Variants in NSMCE2 observed in about 807,000 individuals in gnomAD.
NSMCE2 encodes the protein E3 SUMO-protein ligase NSE2.
A neutral mutation model predicts 23.8 loss-of-function variants in NSMCE2; 24 were observed. The ratio of observed to expected loss-of-function variants is 1.01; its 90% CI spans 0.73 to 1.42. The LOEUF is 1.42. Ranked by LOEUF, NSMCE2 falls within the 40% of genes most tolerant of loss-of-function variation. The probability of loss-of-function intolerance (pLI) is 0.00; values close to 1 mark genes in which losing one functional copy is unlikely to be tolerated. For synonymous variants in NSMCE2, 92 were observed against 94.1 expected, an observed-to-expected ratio of 0.98 and a Z score of 0.13; for missense variants, 284 against 296.5, an observed-to-expected ratio of 0.96 and a Z score of 0.31.
At position 125,357,432 on chromosome 8, in the gene NSMCE2, A is replaced by T. The variant is rs188667947; in HGVS notation, c.519+113A>T. ...ACTTAGGGAGTTAAGGAGGGAGTAA[A>T]GAAAAGTGCTGGGGGTTGAAGAGTA... On this transcript the variant is annotated intron_variant, in intron 6 of 7. Transcript: ENST00000287437. 5 of 776,062 alleles carry T rather than the reference A, an allele frequency of 6.4e-6. No homozygotes were observed. The Admixed American group carries it at 9.0e-5, about 14-fold the overall frequency. The allele number at this position is 776,062 out of a possible 1,614,324, so 48.1% of individuals were successfully genotyped here.
At chr8:125,169,230 G>A (rs919580593) in intron 4 of NSMCE2, among the ~76,000 whole-genome samples, 4 of 152,000 alleles carry the variant, frequency 2.6e-5, no homozygotes, top group Non-Finnish European at 4.4e-5. Context: ...ATTCCTACCC[G>A]TTCTTCGATT....
intron 5 of NSMCE2, among the ~76,000 whole-genome samples, chr8:125,349,595 A>G (rs905008179): frequency 6.6e-5 from 10 of 152,024 alleles, no homozygotes; most frequent in African/African-American, 2.4e-4. Flanking sequence ...AAAAAAAAAA[A>G]AAAAGAAAGA....
intron 5 of NSMCE2, among the ~76,000 whole-genome samples, chr8:125,320,185 AGAG>A (rs1459281395): frequency 3.0e-5 from 4 of 131,422 alleles, no homozygotes; most frequent in Non-Finnish European, 6.6e-5. Context: ...CAAAAAAAAA[AGAG>A]AGAGAGAGAG....
intron 7 of NSMCE2, among the ~76,000 whole-genome samples, chr8:125,359,944 C>CA (rs34058076): frequency 1.7e-4 from 26 of 150,442 alleles, no homozygotes; most frequent in African/African-American, 5.1e-4. Flanking sequence ...AGGCATGAGG[C>CA]AAAAAAAAGT....
At chr8:125,245,426 C>CA (rs1825917794) in intron 5 of NSMCE2, among the ~76,000 whole-genome samples, 1 of 152,020 alleles carries the variant, frequency 6.6e-6, no homozygotes, top group South Asian at 2.1e-4. Flanking sequence ...TAACACAAGT[C>CA]AAAGGCTACG....
chr8:125,224,747 G>A (rs1825021463), intron 5 of NSMCE2, among the ~76,000 whole-genome samples: 1 of 152,130 alleles, frequency 6.6e-6, no homozygotes. Flanking sequence ...AATAAGGTAG[G>A]TAGATAGTGT....
chr8:125,329,191 A>C (rs1282489639), intron 5 of NSMCE2, among the ~76,000 whole-genome samples: 1 of 152,214 alleles, frequency 6.6e-6, no homozygotes, highest in Non-Finnish European at 1.5e-5. Flanking sequence ...CTCAGTCCCC[A>C]GCAGCGGGCA....
At chr8:125,143,096 ACG>A (rs199552694) in intron 3 of NSMCE2, among the ~76,000 whole-genome samples, 1 of 144,276 alleles carries the variant, frequency 6.9e-6, no homozygotes, top group Non-Finnish European at 1.5e-5. Context: ...GTGTGGGTGC[ACG>A]CACACACACA....
At chr8:125,286,190 A>G (rs1253572934) in intron 5 of NSMCE2, among the ~76,000 whole-genome samples, 1 of 152,176 alleles carries the variant, frequency 6.6e-6, no homozygotes, top group Non-Finnish European at 1.5e-5. Context: ...TTTTACTTCA[A>G]TATGTATTTT....
At chr8:125,131,941 T>C (rs1819793676) in intron 3 of NSMCE2, among the ~76,000 whole-genome samples, 1 of 152,198 alleles carries the variant, frequency 6.6e-6, no homozygotes, top group Admixed American at 6.5e-5. Context: ...CTGGGCAGCC[T>C]GTCTCCAGAG....
At chr8:125,187,191 C>T (rs1169466367) in intron 5 of NSMCE2, among the ~76,000 whole-genome samples, 2 of 152,168 alleles carry the variant, frequency 1.3e-5, no homozygotes, top group East Asian at 3.9e-4. Context: ...GCCTACTCTC[C>T]CTTCAGATAC....
intron 5 of NSMCE2, among the ~76,000 whole-genome samples, chr8:125,221,060 A>G (rs1318201552): frequency 6.6e-6 from 1 of 152,158 alleles, no homozygotes; most frequent in African/African-American, 2.4e-5. Context: ...AGCATTCCCC[A>G]TATCATGGTC....
intron 3 of NSMCE2, among the ~76,000 whole-genome samples, chr8:125,150,896 C>CTT (rs1266084132): frequency 6.6e-6 from 1 of 152,138 alleles, no homozygotes; most frequent in Non-Finnish European, 1.5e-5. Context: ...CCTGGAACTC[C>CTT]TTAATACAAG....
chr8:125,274,506 A>G (rs1486775015), intron 5 of NSMCE2, among the ~76,000 whole-genome samples: 2 of 152,198 alleles, frequency 1.3e-5, no homozygotes, highest in Non-Finnish European at 2.9e-5. Context: ...TTTCAGTTAG[A>G]CAAGTTTTTT....
In NSMCE2 at chr8:125,264,904, T is replaced by G. The variant is rs1278847060; in HGVS notation, c.418+82648T>G. On this transcript the variant is annotated intron_variant, in intron 5 of 7. Coordinates refer to ENST00000287437, the MANE Select transcript of NSMCE2 (RefSeq NM_173685.4). Reference sequence around the variant, plus strand: ...TTAATCTTCACAACAACCCTGGGAATGTGGCTTTTGTTTTGTTTTTATTGT... The same window carrying G: ...TTAATCTTCACAACAACCCTGGGAAGGTGGCTTTTGTTTTGTTTTTATTGT... 2.0e-5 allele frequency among the ~76,000 whole-genome samples: 3 copies of G among 152,188 alleles called. No individual in the cohort carries two copies. The South Asian group carries it at 6.2e-4, about 32-fold the overall frequency.
rs769545037 is a variant in NSMCE2 at position 125,182,143 on chromosome 8, T to C, written c.305T>C (p.Leu102Ser). ...CCAGAAAAAATACCAGATTTAAAAT[T>C]ATTGGTAGAGAAGAAATTTTTGGCT... ...ERPEKIPDLK[L>S]LVEKKFLALQ... is the part of the protein sequence containing the mutation. The change falls in exon 5 of 8, where the codon TTA becomes TCA. Residue 102 changes from leucine to serine, a missense_variant. Transcript: ENST00000287437. 1.0e-5 allele frequency: 16 copies of C among 1,602,608 alleles called. No individual in the cohort carries two copies. The highest frequency in any genetic ancestry group is 1.2e-5 in the Non-Finnish European group (14 of 1,175,722).
intron 5 of NSMCE2, among the ~76,000 whole-genome samples, chr8:125,258,375 G>A (rs945644905): frequency 6.6e-6 from 1 of 152,160 alleles, no homozygotes; most frequent in Non-Finnish European, 1.5e-5. Flanking sequence ...GTTGACTTTG[G>A]AGATTATGGT....
At chr8:125,252,333 C>T (rs1246263643) in intron 5 of NSMCE2, among the ~76,000 whole-genome samples, 1 of 152,180 alleles carries the variant, frequency 6.6e-6, no homozygotes, top group Non-Finnish European at 1.5e-5. Flanking sequence ...TTGAGACCAA[C>T]CTGGCTAACA....
intron 5 of NSMCE2, among the ~76,000 whole-genome samples, chr8:125,187,114 A>G (rs1212210141): frequency 2.0e-5 from 3 of 152,222 alleles, no homozygotes; most frequent in Admixed American, 1.3e-4. Flanking sequence ...AGGAAGAGCT[A>G]GTACAGCATA....
Sources: allele counts gnomAD v4.1 joint callset (sites outside exome capture counted in the v4.1 genomes callset), GRCh38; gene constraint gnomAD v4.1.1; transcripts MANE v1.5; gene names NCBI Gene and HGNC (gene_info 2026-07-23, HGNC 2026-07-21).